The following SLC35F3 variants were observed in gnomAD, a reference collection of about 807,000 sequenced individuals.
SLC35F3 encodes the protein putative thiamine transporter SLC35F3.
SLC35F3 carries 25 observed loss-of-function variants against 49.9 expected under a neutral mutation model. The observed-to-expected ratio is 0.50, with a 90% CI of 0.37 to 0.70. The LOEUF (loss-of-function observed/expected upper bound fraction) is 0.70, where lower values mean the gene tolerates loss of function less well. SLC35F3 is among the 30% of genes least tolerant of loss of function. SLC35F3 has a pLI of 0.00. For synonymous variants in SLC35F3, 275 were observed against 265.4 expected, an observed-to-expected ratio of 1.04 and a Z score of -0.35; for missense variants, 525 against 639.8, an observed-to-expected ratio of 0.82 and a Z score of 1.94.
At chr1:234,235,991 G>A (rs1667462237) in intron 3 of SLC35F3, among the ~76,000 whole-genome samples, 1 of 152,124 alleles carries the variant, frequency 6.6e-6, no homozygotes, top group South Asian at 2.1e-4. Context: ...TCTTCTCTAG[G>A]CAATGCACTA....
intron 2 of SLC35F3, among the ~76,000 whole-genome samples, chr1:233,912,551 C>T (rs190146871): frequency 6.6e-6 from 1 of 152,104 alleles, no homozygotes; most frequent in African/African-American, 2.4e-5. Context: ...CTAGGATTGT[C>T]GTGAAGATTA....
At chr1:233,987,639 G>A (rs1044616313) in intron 2 of SLC35F3, among the ~76,000 whole-genome samples, 1 of 152,046 alleles carries the variant, frequency 6.6e-6, no homozygotes, top group African/African-American at 2.4e-5. Flanking sequence ...TGGCTATCTG[G>A]TGGAATCTCT....
chr1:234,297,686 G>A (rs1404410525), intron 3 of SLC35F3, among the ~76,000 whole-genome samples: 2 of 151,454 alleles, frequency 1.3e-5, no homozygotes, highest in African/African-American at 4.9e-5. Flanking sequence ...TGAGGCTGCA[G>A]TGAGCCATGA....
At chr1:234,108,019 C>T (rs529853326) in intron 2 of SLC35F3, among the ~76,000 whole-genome samples, 96 of 150,978 alleles carry the variant, frequency 6.4e-4, no homozygotes, top group African/African-American at 2.0e-3. Flanking sequence ...GTATGAATGA[C>T]GGGTAATGAT....
chr1:234,020,701 G>A (rs1663878479), intron 2 of SLC35F3, among the ~76,000 whole-genome samples: 1 of 152,180 alleles, frequency 6.6e-6, no homozygotes. Context: ...GAATTTGTGT[G>A]TGTGTGTGAA....
chr1:234,113,111 T>G (rs1232249501), intron 2 of SLC35F3, among the ~76,000 whole-genome samples: 1 of 152,116 alleles, frequency 6.6e-6, no homozygotes. Flanking sequence ...GAAATAACTA[T>G]TAATATATGT....
chr1:233,987,388 T>A (rs1044808191), intron 2 of SLC35F3, among the ~76,000 whole-genome samples: 6 of 152,198 alleles, frequency 3.9e-5, no homozygotes, highest in Admixed American at 3.3e-4. Context: ...TGAGATTTAC[T>A]GAGTATGGAA....
chr1:234,217,069 C>T (rs1667133642), intron 2 of SLC35F3, among the ~76,000 whole-genome samples: 1 of 152,142 alleles, frequency 6.6e-6, no homozygotes, highest in African/African-American at 2.4e-5. Context: ...TTCATTTTAA[C>T]TTGAATGCAC....
intron 2 of SLC35F3, among the ~76,000 whole-genome samples, chr1:234,164,324 ATC>A (rs1666279186): frequency 9.3e-6 from 1 of 107,988 alleles, no homozygotes; most frequent in Admixed American, 1.0e-4. Context: ...CTCTCTCCCT[ATC>A]TCTCTCCGTC....
intron 2 of SLC35F3, among the ~76,000 whole-genome samples, chr1:234,220,510 C>T (rs2102944886): frequency 6.6e-6 from 1 of 152,308 alleles, no homozygotes; most frequent in South Asian, 2.1e-4. Context: ...TGGGTTGCCT[C>T]ATTTAGTCCT....
intron 2 of SLC35F3, among the ~76,000 whole-genome samples, chr1:234,217,878 AAGGAGGGGGCCTTCCTG>A (rs1157134645): frequency 6.7e-6 from 1 of 149,492 alleles, no homozygotes; most frequent in East Asian, 2.0e-4. Context: ...GAGCCATTCT[AAGGAGGGGGCCTTCCTG>A]AGGAGGAGGC....
chr1:234,030,861 C>T (rs1664051894), intron 2 of SLC35F3, among the ~76,000 whole-genome samples: 1 of 152,186 alleles, frequency 6.6e-6, no homozygotes, highest in East Asian at 1.9e-4. Context: ...AACAGTTACT[C>T]TCCTAATCGA....
chr1:234,214,637 G>A lies in SLC35F3; in HGVS notation c.284-16780G>A. ...CCTAGCCGGGGAATGCTGCCACCCT[G>A]AGGGGGGCTGTCTGGCTGCGGGGCG... On this transcript the variant is annotated intron_variant, in intron 2 of 7. Coordinates refer to ENST00000366618, the MANE Select transcript of SLC35F3 (RefSeq NM_173508.4). This position sits in a 1 kb window ranked among gnomAD's most constrained non-coding sequence, Gnocchi z 8.0. 6.7e-7 allele frequency: 1 copy of A among 1,488,624 alleles called. No homozygotes were observed. 92.2% of individuals were successfully genotyped at this position (1,488,624 alleles called of 1,614,324 possible). A position where few individuals can be genotyped will look rare whatever the true frequency, so the allele number is the denominator to read the frequency against.
At chr1:234,282,125 C>G (rs1032262514) in intron 3 of SLC35F3, among the ~76,000 whole-genome samples, 13 of 152,192 alleles carry the variant, frequency 8.5e-5, no homozygotes, top group African/African-American at 2.9e-4. Context: ...GCACACAGTG[C>G]CTGTTAGTCA....
chr1:233,949,062 A>C (rs943455373), intron 2 of SLC35F3, among the ~76,000 whole-genome samples: 1 of 151,902 alleles, frequency 6.6e-6, no homozygotes, highest in Non-Finnish European at 1.5e-5. Flanking sequence ...TTCACACATA[A>C]TCTCGTCTGA....
intron 2 of SLC35F3, among the ~76,000 whole-genome samples, chr1:233,945,692 A>G (rs968350370): frequency 2.0e-5 from 3 of 152,210 alleles, no homozygotes; most frequent in Non-Finnish European, 4.4e-5. Flanking sequence ...GGTTTCCCCC[A>G]TACTGTTCTT....
intron 3 of SLC35F3, among the ~76,000 whole-genome samples, chr1:234,308,328 T>C (rs1657257727): frequency 6.6e-6 from 1 of 152,172 alleles, no homozygotes; most frequent in African/African-American, 2.4e-5. Context: ...TAAAACTATG[T>C]TTCAATGTGT....
chr1:234,240,929 T>A (rs1667545765), intron 3 of SLC35F3, among the ~76,000 whole-genome samples: 1 of 152,200 alleles, frequency 6.6e-6, no homozygotes, highest in African/African-American at 2.4e-5. Context: ...GAACTTATCA[T>A]TGTCATGACC....
rs1221375348 is a variant in SLC35F3, at chr1:234,046,959, A to G, written c.283+141201A>G. Among the ~76,000 whole-genome samples the G allele has an allele frequency of 3.9e-5, 6 of 152,310 alleles. No individual in the cohort carries two copies. The highest frequency in any genetic ancestry group is 1.9e-4 in the East Asian group (1 of 5,190). On this transcript the variant is annotated intron_variant, in intron 2 of 7. Coordinates refer to ENST00000366618, the MANE Select transcript of SLC35F3 (RefSeq NM_173508.4). This position sits in a 1 kb window ranked among gnomAD's most constrained non-coding sequence, Gnocchi z 4.4. ...CAACCTTAGTTACTCTAGCTGTACT[A>G]TAAGTCTCACTTCCTAACAGGTCAA...
Sources: allele counts gnomAD v4.1 joint callset (sites outside exome capture counted in the v4.1 genomes callset), GRCh38; gene constraint gnomAD v4.1.1; non-coding constraint Gnocchi (gnomAD v3.1); transcripts MANE v1.5; gene names NCBI Gene and HGNC (gene_info 2026-07-23, HGNC 2026-07-21).